THBS4: variants seen among roughly 807,000 people sequenced by gnomAD.
THBS4 encodes the protein thrombospondin-4.
Under a neutral mutation model 115.7 loss-of-function variants are expected in THBS4, and 90 were observed. The ratio of observed to expected loss-of-function variants is 0.78; its 90% CI spans 0.66 to 0.93. THBS4 has a LOEUF of 0.93. Among genes scored for constraint, THBS4 ranks in the 40% least tolerant of loss-of-function variants. The pLI is 0.00. For synonymous variants in THBS4, 460 were observed against 479.3 expected, an observed-to-expected ratio of 0.96 and a Z score of 0.53; for missense variants, 1,087 against 1,232.7, an observed-to-expected ratio of 0.88 and a Z score of 1.77.
At chr5:80,063,907 G>A (rs1183501357) in intron 8 of THBS4, among the ~76,000 whole-genome samples, 2 of 152,234 alleles carry the variant, frequency 1.3e-5, no homozygotes, top group African/African-American at 4.8e-5. Context: ...CTCAAAGCCA[G>A]AACTGTGACT....
At chr5:80,044,491 C>T (rs1417239981) in intron 2 of THBS4, among the ~76,000 whole-genome samples, 3 of 152,108 alleles carry the variant, frequency 2.0e-5, no homozygotes, top group Admixed American at 1.3e-4. Context: ...CGCTAGATAT[C>T]GGCTCACTGC....
At chr5:80,020,239 G>A (rs997641231) in intron 2 of THBS4, among the ~76,000 whole-genome samples, 1 of 152,142 alleles carries the variant, frequency 6.6e-6, no homozygotes, top group Non-Finnish European at 1.5e-5. Flanking sequence ...TTTGGGAGCC[G>A]AGACAGGTGG....
intron 19 of THBS4, 63 bp from the exon 20 acceptor site, chr5:80,079,842 C>T (rs1313560430): frequency 6.5e-7 from 1 of 1,535,942 alleles, no homozygotes; most frequent in East Asian, 2.3e-5. Context: ...CACTTCAGAT[C>T]CAGGAAGCAG....
chr5:80,017,104 A>G (rs888595666), intron 2 of THBS4, among the ~76,000 whole-genome samples: 1 of 152,228 alleles, frequency 6.6e-6, no homozygotes, highest in Admixed American at 6.5e-5. Flanking sequence ...TAGAATTACA[A>G]AGATGTGTAG....
At chr5:80,030,390 C>T (rs1176192414), upstream of THBS4, among the ~76,000 whole-genome samples, 1 of 151,656 alleles carries the variant, frequency 6.6e-6, no homozygotes, top group Admixed American at 6.6e-5. Context: ...TTTTTTGAGA[C>T]AGAGTCTCAC....
Position 80,023,457 on chromosome 5 carries a change from G to A in THBS4, n.178-16620G>A, listed in dbSNP as rs567060821. Among the ~76,000 whole-genome samples, 165 of 152,276 alleles carry A rather than the reference G, an allele frequency of 1.1e-3. 1 individual carries two copies. The highest frequency in any genetic ancestry group is 3.9e-3 in the African/African-American group (160 of 41,552). ...CTGTATTTTCCTTCCATTTACAAGA[G>A]GGTTAGGTGCCCCTTCCCTAACAGA... On this transcript the variant is annotated intron_variant and non_coding_transcript_variant, in intron 2 of 3. Coordinates refer to the THBS4 transcript ENST00000510218.
At chr5:80,061,293 C>T (rs559377436) in intron 7 of THBS4, among the ~76,000 whole-genome samples, 2 of 152,094 alleles carry the variant, frequency 1.3e-5, no homozygotes, top group Non-Finnish European at 1.5e-5. Context: ...TTTGCCTTCT[C>T]GAGGTCTTTC....
chr5:80,005,261 C>A (rs1001109304), intron 2 of THBS4, among the ~76,000 whole-genome samples: 1 of 152,104 alleles, frequency 6.6e-6, no homozygotes, highest in Non-Finnish European at 1.5e-5. Flanking sequence ...CTTCCTTTTA[C>A]GCTAATATTC....
intron 2 of THBS4, among the ~76,000 whole-genome samples, chr5:80,007,344 T>C (rs985851803): frequency 3.9e-5 from 6 of 152,244 alleles, no homozygotes; most frequent in Non-Finnish European, 7.3e-5. Context: ...TGTCAGCTCC[T>C]ACTTGTCCCA....
intron 2 of THBS4, among the ~76,000 whole-genome samples, chr5:80,015,634 T>C (rs942908015): frequency 2.0e-5 from 3 of 152,198 alleles, no homozygotes; most frequent in African/African-American, 7.2e-5. Context: ...AGTAAAATGA[T>C]TGCTGGTTGT....
chr5:80,082,407 G>A lies in THBS4; in HGVS notation c.2686G>A (p.Val896Ile). 6.2e-7 allele frequency: 1 copy of A among 1,614,150 alleles called. No individual in the cohort carries two copies. Among genetic ancestry groups the A allele is most frequent in the African/African-American group, 1.3e-5 (1 of 75,046 alleles). ...CCCCTCCGGCCGTGTTGTCCGCAGG[G>A]TACGATTTTATGAAGGCTCTGAGTT... is the stretch of plus-strand genomic sequence containing the variant. Reference protein sequence around the residue: ...QHRPQVGYIRVRFYEGSELVA... With the variant: ...QHRPQVGYIRIRFYEGSELVA... Residue 896 changes from valine (V) to isoleucine (I), a missense_variant and splice_region_variant, in exon 21 of 22, where the codon GTA becomes ATA. Transcript: ENST00000350881.
At chr5:80,051,766 G>A (rs1431027798) in intron 2 of THBS4, among the ~76,000 whole-genome samples, 1 of 152,108 alleles carries the variant, frequency 6.6e-6, no homozygotes, top group Non-Finnish European at 1.5e-5. Flanking sequence ...CATTTAGTGT[G>A]CACCTGCTAT....
At chr5:80,050,876 A>G (rs1276053944) in intron 2 of THBS4, among the ~76,000 whole-genome samples, 4 of 152,192 alleles carry the variant, frequency 2.6e-5, no homozygotes. Flanking sequence ...CTGAGTTATA[A>G]TTTGGCAAAG....
chr5:80,011,060 A>G (rs1474420557), intron 2 of THBS4, among the ~76,000 whole-genome samples: 1 of 152,212 alleles, frequency 6.6e-6, no homozygotes, highest in Non-Finnish European at 1.5e-5. Flanking sequence ...TAATTGAATC[A>G]TGGGGGAAGG....
chr5:80,060,973 A>G (rs1833612317), intron 7 of THBS4, among the ~76,000 whole-genome samples: 1 of 152,212 alleles, frequency 6.6e-6, no homozygotes, highest in African/African-American at 2.4e-5. Flanking sequence ...TGGTAATGTT[A>G]GTAACACTCA....
chr5:80,053,193 T>C (rs1833307260), intron 2 of THBS4: 1 of 152,186 alleles, frequency 6.6e-6, no homozygotes, highest in Non-Finnish European at 1.5e-5. Flanking sequence ...TAAACCCATA[T>C]TGACCTATAA....
chr5:80,040,496 A>G (rs1470788268), intron 2 of THBS4, among the ~76,000 whole-genome samples: 1 of 152,132 alleles, frequency 6.6e-6, no homozygotes, highest in Non-Finnish European at 1.5e-5. Context: ...GGAGAAAAAA[A>G]GAATTGCTGT....
intron 1 of THBS4, among the ~76,000 whole-genome samples, chr5:79,994,665 G>A (rs923710147): frequency 6.6e-6 from 1 of 152,150 alleles, no homozygotes; most frequent in Non-Finnish European, 1.5e-5. Context: ...TTATAGCTGG[G>A]CATGATGGTG....
intron 2 of THBS4, among the ~76,000 whole-genome samples, chr5:80,046,402 G>A (rs1188311583): frequency 1.3e-5 from 2 of 152,166 alleles, no homozygotes; most frequent in Non-Finnish European, 2.9e-5. Flanking sequence ...GAACAGAAAG[G>A]TCCTAAAAGA....
Sources: gnomAD v4.1 joint callset for allele counts (sites outside exome capture counted in the v4.1 genomes callset) on GRCh38, gnomAD v4.1.1 for gene constraint, MANE v1.5 for transcripts, NCBI Gene and HGNC (gene_info 2026-07-23, HGNC 2026-07-21) for gene names.